Variants in PDE8B observed in about 807,000 individuals in gnomAD.
PDE8B encodes the protein high affinity cAMP-specific and IBMX-insensitive 3',5'-cyclic phosphodiesterase 8B.
Under a neutral mutation model 101.3 loss-of-function variants are expected in PDE8B, and 26 were observed. That is an observed-to-expected ratio of 0.26 (90% CI 0.19 to 0.36). PDE8B has a LOEUF of 0.36. Among genes scored for constraint, PDE8B ranks in the 10% least tolerant of loss-of-function variants. PDE8B has a pLI of 1.00. For missense variants in PDE8B, 810 were observed against 1,163.1 expected (o/e 0.70, Z 4.42); for synonymous variants, 424 against 429.3 (o/e 0.99, Z 0.15).
the PDE8B span, among the ~76,000 whole-genome samples, chr5:77,127,281 GT>G: frequency 1.3e-5 from 2 of 152,070 alleles, no homozygotes; most frequent in African/African-American, 2.4e-5. Flanking sequence ...TATGGGGGAG[GT>G]TTCCCCCATG....
chr5:77,361,735 C>T (rs1300329522), intron 10 of PDE8B, among the ~76,000 whole-genome samples: 1 of 151,930 alleles, frequency 6.6e-6, no homozygotes, highest in Non-Finnish European at 1.5e-5. Context: ...AGGATGGTCT[C>T]GATCTCCTGA....
intron 4 of PDE8B, among the ~76,000 whole-genome samples, chr5:77,330,488 G>A (rs1239431089): frequency 6.6e-6 from 1 of 152,108 alleles, no homozygotes; most frequent in Non-Finnish European, 1.5e-5. Context: ...AATACCCTTG[G>A]AACCCTTTTT....
chr5:77,413,406 C>A, intron 17 of PDE8B, 97 bp downstream of exon 17: 3 of 1,082,866 alleles, frequency 2.8e-6, no homozygotes, highest in Non-Finnish European at 4.1e-6. Context: ...ATTTTGCAAC[C>A]AAGTTGACAG....
At chr5:77,176,079 T>C in the PDE8B span, among the ~76,000 whole-genome samples, 1 of 152,198 alleles carries the variant, frequency 6.6e-6, no homozygotes. Context: ...CTTAGAAAAC[T>C]ATTTTCTTCT....
chr5:77,216,573 A>G (rs976576544), intron 1 of PDE8B, among the ~76,000 whole-genome samples: 2 of 152,182 alleles, frequency 1.3e-5, no homozygotes, highest in Non-Finnish European at 2.9e-5. Flanking sequence ...GGAAGCTACA[A>G]TTCAAGATGA....
At chr5:77,158,769 C>T in the PDE8B span, among the ~76,000 whole-genome samples, 2 of 152,218 alleles carry the variant, frequency 1.3e-5, no homozygotes, top group Non-Finnish European at 2.9e-5. Context: ...TCTTCTCACA[C>T]ATCACCTGTG....
At chr5:77,146,911 A>G in the PDE8B span, 1 of 434,696 alleles carries the variant, frequency 2.3e-6, no homozygotes, top group Non-Finnish European at 4.6e-6. Context: ...CCCGAAAATC[A>G]AAGGAGAACA....
At chr5:77,255,108 C>A (rs954148594) in intron 1 of PDE8B, among the ~76,000 whole-genome samples, 2 of 152,178 alleles carry the variant, frequency 1.3e-5, no homozygotes, top group African/African-American at 4.8e-5. Context: ...AACTTTTCAG[C>A]CCCTTCTTTC....
intron 20 of PDE8B, among the ~76,000 whole-genome samples, chr5:77,423,632 G>GTTTTTTTTTTTTTATTTTTTTTTTTTTTT (rs1797212874): frequency 1.4e-5 from 1 of 74,042 alleles, no homozygotes; most frequent in Non-Finnish European, 2.6e-5. Context: ...GTTTTGTTTA[G>GTTTTTTTTTTTTTATTTTTTTTTTTTTTT]TTTTTTTTTT....
At chr5:77,351,301 C>G in intron 9 of PDE8B, 148 bp downstream of exon 9, 1 of 708,152 alleles carries the variant, frequency 1.4e-6, no homozygotes. Context: ...TGCTTCCACT[C>G]AGCCGGCAGC....
chr5:77,227,043 G>A (rs1752543094), intron 1 of PDE8B, among the ~76,000 whole-genome samples: 1 of 152,156 alleles, frequency 6.6e-6, no homozygotes, highest in African/African-American at 2.4e-5. Context: ...GCCACAGGGG[G>A]CTCTGTATCA....
At chr5:77,148,721 G>A in the PDE8B span, among the ~76,000 whole-genome samples, 1 of 152,156 alleles carries the variant, frequency 6.6e-6, no homozygotes, top group Non-Finnish European at 1.5e-5. Context: ...TTTAAAAATC[G>A]AGTTGTTTTT....
intron 10 of PDE8B, among the ~76,000 whole-genome samples, chr5:77,393,500 C>T (rs1339221687): frequency 6.6e-6 from 1 of 151,846 alleles, no homozygotes; most frequent in Non-Finnish European, 1.5e-5. Flanking sequence ...ATTATAGTAC[C>T]TTGCTATTTC....
intron 20 of PDE8B, among the ~76,000 whole-genome samples, chr5:77,423,917 G>A (rs55707540): frequency 0.095 from 14,430 of 151,754 alleles, 933 homozygotes; most frequent in East Asian, 0.29. Context: ...GATTACAGGC[G>A]TGAGCCACCG....
intron 1 of PDE8B, among the ~76,000 whole-genome samples, chr5:77,273,830 AT>A (rs957949534): frequency 6.7e-6 from 1 of 148,840 alleles, no homozygotes. Context: ...TTTATTTTTT[AT>A]TTTTTTTTGA....
At position 77,307,271 on chromosome 5, in the gene PDE8B, C is replaced by T. The variant is rs551053766; in HGVS notation, c.340-4723C>T. 7.9e-5 allele frequency among the ~76,000 whole-genome samples: 12 copies of T among 152,270 alleles called. No homozygotes were observed. The South Asian group carries it at 1.0e-3, about 13-fold the overall frequency. ...ATCTCCTTCCCCAACCCAGTATCTT[C>T]GTCCCCCTATTCTTCACCACCTGCC... On this transcript the variant is annotated intron_variant, in intron 1 of 21. Transcript: ENST00000264917.
At chr5:77,412,741 GT>G (rs11295108) in intron 16 of PDE8B, among the ~76,000 whole-genome samples, 37,557 of 150,742 alleles carry the variant, frequency 0.25, 5,011 homozygotes, top group East Asian at 0.4. Context: ...CATCCAAGCT[GT>G]TTTTTTTTGT....
chr5:77,361,129 T>C (rs1279740101), intron 10 of PDE8B, among the ~76,000 whole-genome samples: 1 of 152,250 alleles, frequency 6.6e-6, no homozygotes, highest in Non-Finnish European at 1.5e-5. Context: ...GTACGTCTGT[T>C]TTATCTGTAT....
At chr5:77,336,594 A>G (rs1413137174) in intron 5 of PDE8B, among the ~76,000 whole-genome samples, 1 of 151,432 alleles carries the variant, frequency 6.6e-6, no homozygotes, top group Non-Finnish European at 1.5e-5. Flanking sequence ...AATCCATTGT[A>G]TGTATACACC....
Sources: allele counts gnomAD v4.1 joint callset (sites outside exome capture counted in the v4.1 genomes callset), GRCh38; gene constraint gnomAD v4.1.1; transcripts MANE v1.5; gene names NCBI Gene and HGNC (gene_info 2026-07-23, HGNC 2026-07-21).